Variants in NAALADL2 observed in about 807,000 individuals in gnomAD.
The protein encoded by NAALADL2 is inactive N-acetylated-alpha-linked acidic dipeptidase-like protein 2.
In NAALADL2, 76 loss-of-function variants were observed where a neutral mutation model predicts 87.2. The observed-to-expected ratio is 0.87, with a 90% CI of 0.72 to 1.05. The LOEUF is 1.05. Among genes scored for constraint, NAALADL2 ranks in the 50% least tolerant of loss-of-function variants. The pLI is 0.00. For missense variants in NAALADL2, 1,089 were observed against 945.8 expected, an observed-to-expected ratio of 1.15 and a Z score of -1.99; for synonymous variants, 354 against 331.0, an observed-to-expected ratio of 1.07 and a Z score of -0.75.
chr3:175,429,123 T>G (rs1396842415), intron 5 of NAALADL2, among the ~76,000 whole-genome samples: 1 of 151,604 alleles, frequency 6.6e-6, no homozygotes, highest in Non-Finnish European at 1.5e-5. Context: ...AAAGTATATA[T>G]TAAAATGTTA....
chr3:175,648,407 A>G (rs545396605), intron 11 of NAALADL2, among the ~76,000 whole-genome samples: 22 of 151,940 alleles, frequency 1.4e-4, no homozygotes, highest in African/African-American at 5.1e-4. Context: ...CATATTTAAC[A>G]TACACAAACT....
intron 1 of NAALADL2, among the ~76,000 whole-genome samples, chr3:174,479,266 ATGAC>A (rs1325704403): frequency 6.6e-6 from 1 of 152,190 alleles, no homozygotes; most frequent in Non-Finnish European, 1.5e-5. Context: ...CTCTAAATGA[ATGAC>A]TAATTCTCAA....
intron 9 of NAALADL2, among the ~76,000 whole-genome samples, chr3:175,501,209 G>A (rs1414291307): frequency 1.3e-5 from 2 of 152,212 alleles, no homozygotes; most frequent in East Asian, 3.9e-4. Context: ...ACTCAAACTT[G>A]CTTAAACAAA....
intron 5 of NAALADL2, among the ~76,000 whole-genome samples, chr3:175,420,568 A>C (rs1332094956): frequency 6.6e-6 from 1 of 152,060 alleles, no homozygotes; most frequent in Non-Finnish European, 1.5e-5. Flanking sequence ...TTAATAGCCC[A>C]GCATATAACA....
intron 2 of NAALADL2, among the ~76,000 whole-genome samples, chr3:175,174,178 A>T (rs1489038469): frequency 1.3e-5 from 2 of 152,204 alleles, no homozygotes; most frequent in African/African-American, 4.8e-5. Flanking sequence ...TGCACTAATT[A>T]TTGAACAATC....
At chr3:174,786,307 C>T (rs766026272) in intron 3 of NAALADL2, among the ~76,000 whole-genome samples, 31 of 151,516 alleles carry the variant, frequency 2.0e-4, no homozygotes, top group Non-Finnish European at 3.8e-4. Flanking sequence ...AAAAATTAGC[C>T]GGGTGTGGTG....
chr3:175,570,737 G>A (rs150268453), intron 9 of NAALADL2, among the ~76,000 whole-genome samples: 1,843 of 152,010 alleles, frequency 0.012, 37 homozygotes, highest in African/African-American at 0.041. Flanking sequence ...AAAATTAGCC[G>A]GGCGTGGTGG....
intron 2 of NAALADL2, among the ~76,000 whole-genome samples, chr3:174,589,387 C>G (rs1717110034): frequency 6.6e-6 from 1 of 152,206 alleles, no homozygotes; most frequent in Non-Finnish European, 1.5e-5. Flanking sequence ...CACTGTCTGA[C>G]AAGCCCCAGT....
chr3:175,378,450 T>C (rs1300029898), intron 5 of NAALADL2, among the ~76,000 whole-genome samples: 1 of 152,242 alleles, frequency 6.6e-6, no homozygotes. Context: ...GGTGGTTCAT[T>C]TAGTCGTGAA....
At chr3:175,734,488 C>T (rs141244529) in intron 11 of NAALADL2, among the ~76,000 whole-genome samples, 9,492 of 151,884 alleles carry the variant, frequency 0.062, 968 homozygotes, top group African/African-American at 0.21. Context: ...ACTCGGGAGG[C>T]GGAGCTTGCA....
chr3:175,472,621 T>C (rs1417480158), intron 9 of NAALADL2, among the ~76,000 whole-genome samples: 1 of 152,176 alleles, frequency 6.6e-6, no homozygotes, highest in Non-Finnish European at 1.5e-5. Flanking sequence ...GAGCTTTGAA[T>C]GAGCCATAAT....
At chr3:175,604,413 C>T (rs1049610680) in intron 10 of NAALADL2, among the ~76,000 whole-genome samples, 4 of 151,230 alleles carry the variant, frequency 2.6e-5, no homozygotes, top group African/African-American at 9.8e-5. Flanking sequence ...ACACCATTCT[C>T]CTGCCTCAGC....
chr3:174,582,496 G>T (rs954890227), intron 2 of NAALADL2, among the ~76,000 whole-genome samples: 3 of 152,082 alleles, frequency 2.0e-5, no homozygotes, highest in Non-Finnish European at 2.9e-5. Flanking sequence ...ATTCTTATTG[G>T]ATAATATAGA....
At chr3:174,520,832 A>G (rs1560027357) in intron 1 of NAALADL2, among the ~76,000 whole-genome samples, 1 of 152,212 alleles carries the variant, frequency 6.6e-6, no homozygotes, top group Non-Finnish European at 1.5e-5. Flanking sequence ...AACATCCAGA[A>G]TCTACAAGGA....
intron 3 of NAALADL2, among the ~76,000 whole-genome samples, chr3:174,842,309 CCAAA>C (rs1002648033): frequency 6.6e-6 from 1 of 152,102 alleles, no homozygotes; most frequent in Non-Finnish European, 1.5e-5. Context: ...CCTCGGCCTC[CCAAA>C]GTGCTGAGAT....
chr3:174,771,980 G>C (rs1337599619), intron 3 of NAALADL2, among the ~76,000 whole-genome samples: 1 of 150,310 alleles, frequency 6.7e-6, no homozygotes, highest in Non-Finnish European at 1.5e-5. Context: ...CTAGGTATGG[G>C]AGATACAAAG....
rs375780484 is a variant in NAALADL2, at chr3:175,755,261, C to T, written c.2032C>T (p.Arg678Cys). The part of the protein sequence containing the change: ...NTHQLLAMAL[R>C]LRESAELFQS... ...TCATCAACTGTTAGCCATGGCGTTA[C>T]GCCTGCGGGAGAGTGCTGAACTTTT... Residue 678 changes from arginine to cysteine, a missense_variant, in exon 13 of 14, where the codon CGC (arginine) becomes TGC (cysteine). Arg to Cys is a radical substitution (Grantham distance 180). Coordinates refer to ENST00000454872, the MANE Select transcript of NAALADL2 (RefSeq NM_207015.3). 1.4e-4 allele frequency: 219 copies of T among 1,613,514 alleles called. No homozygotes were observed. Among genetic ancestry groups the T allele is most frequent in the Admixed American group, 2.5e-4 (15 of 59,966 alleles).
chr3:175,022,156 A>G (rs1017672901), intron 1 of NAALADL2, among the ~76,000 whole-genome samples: 1 of 152,038 alleles, frequency 6.6e-6, no homozygotes, highest in African/African-American at 2.4e-5. Flanking sequence ...AGAAGCAGAT[A>G]CTGGTGCCAT....
chr3:175,045,894 G>A (rs1023445179), intron 1 of NAALADL2, among the ~76,000 whole-genome samples: 1 of 151,934 alleles, frequency 6.6e-6, no homozygotes, highest in African/African-American at 2.4e-5. Flanking sequence ...TTTACTATTC[G>A]AGTATTCTTG....
Sources: gnomAD v4.1 joint callset for allele counts (sites outside exome capture counted in the v4.1 genomes callset) on GRCh38, gnomAD v4.1.1 for gene constraint, MANE v1.5 for transcripts, NCBI Gene and HGNC (gene_info 2026-07-23, HGNC 2026-07-21) for gene names.